Variants in ASIC2 observed in about 807,000 individuals in gnomAD.
The protein encoded by ASIC2 is acid-sensing ion channel 2.
In ASIC2, 25 loss-of-function variants were observed where a neutral mutation model predicts 57.3. The ratio of observed to expected loss-of-function variants is 0.44; its 90% CI spans 0.32 to 0.61. The LOEUF (loss-of-function observed/expected upper bound fraction) is 0.61, where lower values mean the gene tolerates loss of function less well. ASIC2 is among the 20% of genes least tolerant of loss of function. The probability of loss-of-function intolerance (pLI) is 0.06; values close to 1 mark genes in which losing one functional copy is unlikely to be tolerated. For synonymous variants in ASIC2, 319 were observed against 307.5 expected (o/e 1.04, Z -0.39); for missense variants, 641 against 738.1 (o/e 0.87, Z 1.52).
intron 1 of ASIC2, among the ~76,000 whole-genome samples, chr17:33,790,130 G>A (rs940011739): frequency 2.6e-5 from 4 of 152,174 alleles, no homozygotes; most frequent in Admixed American, 2.0e-4. Context: ...GCATTAATAT[G>A]TTTGTACTAT....
intron 1 of ASIC2, among the ~76,000 whole-genome samples, chr17:33,253,033 C>T (rs1043768652): frequency 2.0e-5 from 3 of 152,132 alleles, no homozygotes; most frequent in African/African-American, 7.2e-5. Context: ...ATAACATTTG[C>T]CATTCATTGC....
intron 1 of ASIC2, among the ~76,000 whole-genome samples, chr17:33,765,495 G>T (rs1173685594): frequency 2.0e-5 from 3 of 152,152 alleles, no homozygotes; most frequent in Non-Finnish European, 4.4e-5. Flanking sequence ...CCCACCCAAA[G>T]ATGTTGTCTC....
intron 1 of ASIC2, among the ~76,000 whole-genome samples, chr17:34,074,366 A>C (rs1380285375): frequency 6.6e-6 from 1 of 152,174 alleles, no homozygotes; most frequent in Non-Finnish European, 1.5e-5. Context: ...AAATACAGGC[A>C]CCGAGGCTCT....
rs1445986907 is a variant in ASIC2 at position 33,088,812 on chromosome 17, G to A, written c.987+51C>T. The A allele has an allele frequency of 4.5e-6, 7 of 1,540,632 alleles. No homozygotes were observed. In the East Asian group the frequency reaches 1.6e-4, roughly 36 times the overall value. ...ATTTCTCCTCCTTGTGCCTCTGCAG[G>A]GGGTCGGGGGAGGCTGAGGACCATC... On this transcript the variant is annotated intron_variant, in intron 3 of 9. Coordinates refer to ENST00000225823, the MANE Select transcript of ASIC2 (RefSeq NM_183377.2).
chr17:33,808,799 C>T (rs1408648720), intron 1 of ASIC2, among the ~76,000 whole-genome samples: 1 of 152,192 alleles, frequency 6.6e-6, no homozygotes, highest in East Asian at 1.9e-4. Context: ...TTTACACAAG[C>T]TTGCTTGGTA....
intron 1 of ASIC2, among the ~76,000 whole-genome samples, chr17:34,024,116 G>T (rs1419501633): frequency 6.6e-6 from 1 of 152,106 alleles, no homozygotes; most frequent in East Asian, 1.9e-4. Context: ...TTTATAGAGG[G>T]GCTCTTGAGA....
chr17:33,658,338 C>T (rs1216307790), intron 1 of ASIC2, among the ~76,000 whole-genome samples: 1 of 152,204 alleles, frequency 6.6e-6, no homozygotes, highest in Non-Finnish European at 1.5e-5. Flanking sequence ...AAAGTTTGTG[C>T]AGTCCTCCTT....
intron 1 of ASIC2, chr17:34,041,476 T>C (rs1025937098): frequency 2.0e-5 from 3 of 152,196 alleles, no homozygotes; most frequent in Admixed American, 2.0e-4. Flanking sequence ...ATGATAACTT[T>C]GACATCAAAC....
chr17:33,932,017 C>T (rs1915942211), intron 1 of ASIC2, among the ~76,000 whole-genome samples: 1 of 152,196 alleles, frequency 6.6e-6, no homozygotes, highest in African/African-American at 2.4e-5. Flanking sequence ...CTTCTGGGCT[C>T]AATTTATATC....
intron 1 of ASIC2, among the ~76,000 whole-genome samples, chr17:33,668,819 T>A: frequency 6.6e-6 from 1 of 152,218 alleles, no homozygotes; most frequent in East Asian, 1.9e-4. Flanking sequence ...GTGTTCATCG[T>A]TACTGCCTCT....
chr17:33,282,058 G>T (rs1386828835), intron 1 of ASIC2, among the ~76,000 whole-genome samples: 2 of 151,964 alleles, frequency 1.3e-5, no homozygotes, highest in African/African-American at 2.4e-5. Context: ...TCATTTTTTT[G>T]AATTTTGGAC....
At chr17:34,022,645 A>C (rs1907220008) in intron 1 of ASIC2, among the ~76,000 whole-genome samples, 1 of 151,924 alleles carries the variant, frequency 6.6e-6, no homozygotes, top group East Asian at 1.9e-4. Flanking sequence ...AAAAAACAAA[A>C]AAAAAAACAA....
chr17:33,593,196 A>T lies in ASIC2; in HGVS notation c.556-481129T>A, dbSNP rs545074115. ...GATAATATCAAAACATCCACTGCAG[A>T]TGCAGCAATTGTATGTGCAGGCACA... On this transcript the variant is annotated intron_variant, in intron 1 of 9. Transcript: ENST00000359872. 3.3e-5 allele frequency among the ~76,000 whole-genome samples: 5 copies of T among 152,336 alleles called. No individual in the cohort carries two copies. In the East Asian group the frequency reaches 9.6e-4, roughly 29 times the overall value.
chr17:33,164,512 G>A (rs1008029970), intron 1 of ASIC2, among the ~76,000 whole-genome samples: 5 of 152,080 alleles, frequency 3.3e-5, no homozygotes, highest in African/African-American at 9.6e-5. Flanking sequence ...GAATGGAGGC[G>A]GCATTGGAGG....
chr17:34,083,388 T>C (rs183137264), intron 1 of ASIC2, among the ~76,000 whole-genome samples: 17,198 of 151,862 alleles, frequency 0.11, 1,055 homozygotes, highest in Admixed American at 0.18. Context: ...GTCCATGGTG[T>C]ATATGTGCCA....
chr17:33,797,595 T>C (rs961039164), intron 1 of ASIC2, among the ~76,000 whole-genome samples: 1 of 152,238 alleles, frequency 6.6e-6, no homozygotes, highest in African/African-American at 2.4e-5. Flanking sequence ...AGCTTGGCTC[T>C]GTGTACAGCA....
At chr17:33,909,541 G>C (rs1338173735) in intron 1 of ASIC2, among the ~76,000 whole-genome samples, 1 of 152,146 alleles carries the variant, frequency 6.6e-6, no homozygotes, top group Non-Finnish European at 1.5e-5. Context: ...AGGCTGGGGG[G>C]AGGCAAGAGA....
intron 1 of ASIC2, among the ~76,000 whole-genome samples, chr17:33,437,298 C>A (rs1597727678): frequency 6.6e-6 from 1 of 152,198 alleles, no homozygotes. Context: ...AACATACCAA[C>A]ATTTTTAAAT....
chr17:33,314,319 G>A (rs1460867778), intron 1 of ASIC2, among the ~76,000 whole-genome samples: 1 of 152,142 alleles, frequency 6.6e-6, no homozygotes, highest in African/African-American at 2.4e-5. Flanking sequence ...AGACCATGAG[G>A]TGGGGACTCC....
Sources: gnomAD v4.1 joint callset for allele counts (sites outside exome capture counted in the v4.1 genomes callset) on GRCh38, gnomAD v4.1.1 for gene constraint, MANE v1.5 for transcripts, NCBI Gene and HGNC (gene_info 2026-07-23, HGNC 2026-07-21) for gene names.